LDLRAD4: variants seen among roughly 807,000 people sequenced by gnomAD.
LDLRAD4 encodes low-density lipoprotein receptor class A domain-containing protein 4.
LDLRAD4 carries 5 observed loss-of-function variants against 17.0 expected under a neutral mutation model. That is an observed-to-expected ratio of 0.29 (90% CI 0.15 to 0.62). The LOEUF is 0.62. Ranked by LOEUF, LDLRAD4 falls within the 20% of genes least tolerant of loss-of-function variation. The probability of loss-of-function intolerance (pLI) is 0.84; values close to 1 mark genes in which losing one functional copy is unlikely to be tolerated. For missense variants in LDLRAD4, 340 were observed against 424.7 expected (o/e 0.80, Z 1.75); for synonymous variants, 168 against 171.8 (o/e 0.98, Z 0.17).
At chr18:13,345,994 C>T (rs541635980) in intron 1 of LDLRAD4, among the ~76,000 whole-genome samples, 12 of 152,144 alleles carry the variant, frequency 7.9e-5, no homozygotes, top group South Asian at 2.1e-4. Context: ...GTCTTGCTAG[C>T]GGTCTATCAA....
chr18:13,429,663 G>C (rs1857126626), intron 2 of LDLRAD4, among the ~76,000 whole-genome samples: 1 of 152,222 alleles, frequency 6.6e-6, no homozygotes, highest in African/African-American at 2.4e-5. Context: ...AGACTTTTAG[G>C]TGTGAGAACG....
intron 1 of LDLRAD4, among the ~76,000 whole-genome samples, chr18:13,285,279 C>G (rs1351448041): frequency 6.6e-6 from 1 of 152,092 alleles, no homozygotes; most frequent in East Asian, 1.9e-4. Flanking sequence ...GTTTTGACCT[C>G]CAGAAAGGGT....
rs1458133064 is a variant in LDLRAD4 at position 13,365,209 on chromosome 18, G to A, written c.-382-22132G>A. Among the ~76,000 whole-genome samples, 6 of 152,300 alleles carry A rather than the reference G, an allele frequency of 3.9e-5. No individual in the cohort carries two copies. In the South Asian group the frequency reaches 8.3e-4, roughly 21 times the overall value. ...GAAGGAGCTCCTGTATGGCTACACCGTCCGTGCTTCCAGCATTAATCTTTT... is the reference window on the plus strand; with the variant it reads ...GAAGGAGCTCCTGTATGGCTACACCATCCGTGCTTCCAGCATTAATCTTTT... On this transcript the variant is annotated intron_variant, in intron 1 of 5. Transcript: ENST00000359446.
intron 1 of LDLRAD4, among the ~76,000 whole-genome samples, chr18:13,298,413 G>A (rs2046390029): frequency 6.6e-6 from 1 of 150,390 alleles, no homozygotes; most frequent in Non-Finnish European, 1.5e-5. Context: ...TGATGGAGCT[G>A]CTCCAGGTAT....
chr18:13,597,750 G>T (rs958645225), intron 3 of LDLRAD4, among the ~76,000 whole-genome samples: 1 of 151,032 alleles, frequency 6.6e-6, no homozygotes, highest in African/African-American at 2.4e-5. Flanking sequence ...TCAACACCAG[G>T]CATTCCATTT....
Position 13,426,987 on chromosome 18 carries a change from C to T in LDLRAD4, c.41-11257C>T, listed in dbSNP as rs766665159. Among the ~76,000 whole-genome samples the T allele has an allele frequency of 3.9e-5, 6 of 152,164 alleles. No individual in the cohort carries two copies. In the East Asian group the frequency reaches 5.8e-4, roughly 15 times the overall value. On this transcript the variant is annotated intron_variant, in intron 2 of 5. Coordinates refer to ENST00000359446, the Ensembl canonical transcript of LDLRAD4. ...GATCACGAAGTTAGCAGATTGAGACCATCCTGGCCAACATGGTGAAACCCC... is the reference window on the plus strand; with the variant it reads ...GATCACGAAGTTAGCAGATTGAGACTATCCTGGCCAACATGGTGAAACCCC...
At chr18:13,226,864 C>T (rs1221420527) in intron 1 of LDLRAD4, among the ~76,000 whole-genome samples, 1 of 152,076 alleles carries the variant, frequency 6.6e-6, no homozygotes. Flanking sequence ...TTGGTCTTCC[C>T]CCAGCCTCCT....
chr18:13,645,165 G>A lies in LDLRAD4; in HGVS notation c.429G>A (p.Ala143=), dbSNP rs140766330. The change falls in exon 6 of 6, where the codon GCG becomes GCA. Residue 143 remains alanine (A), a synonymous_variant. Transcript: ENST00000359446. This position sits in a 1 kb window ranked among gnomAD's most constrained non-coding sequence, Gnocchi z 5.7. Reference sequence around the variant, plus strand: ...CGCGGTCCAGGGACAGGTTCACAGCGCCGTCCTTCATCCAGAGGGATCGCT... The same window carrying A: ...CGCGGTCCAGGGACAGGTTCACAGCACCGTCCTTCATCCAGAGGGATCGCT... 8.1e-5 allele frequency: 130 copies of A among 1,613,736 alleles called. No individual in the cohort carries two copies. In the African/African-American group the frequency reaches 1.5e-3, roughly 18 times the overall value.
intron 3 of LDLRAD4, among the ~76,000 whole-genome samples, chr18:13,458,654 T>C (rs563152189): frequency 6.6e-6 from 1 of 152,296 alleles, no homozygotes; most frequent in Admixed American, 6.5e-5. Flanking sequence ...AAAAGGGACT[T>C]TACAGATATG....
intron 1 of LDLRAD4, among the ~76,000 whole-genome samples, chr18:13,313,892 G>C (rs1201715417): frequency 6.6e-6 from 1 of 152,074 alleles, no homozygotes; most frequent in Admixed American, 6.5e-5. Context: ...AGTTTGTTTG[G>C]TTTTTATTTT....
intron 3 of LDLRAD4, among the ~76,000 whole-genome samples, chr18:13,504,091 C>T (rs1411017614): frequency 6.6e-6 from 1 of 152,152 alleles, no homozygotes; most frequent in Non-Finnish European, 1.5e-5. Context: ...TCACATATCT[C>T]GCCTTGAATC....
At chr18:13,474,009 T>C (rs2092868291) in intron 3 of LDLRAD4, among the ~76,000 whole-genome samples, 1 of 152,072 alleles carries the variant, frequency 6.6e-6, no homozygotes, top group Non-Finnish European at 1.5e-5. Context: ...ATCTGTTTGG[T>C]GCTGTTGTCG....
intron 2 of LDLRAD4, among the ~76,000 whole-genome samples, chr18:13,391,955 C>T (rs1257102406): frequency 1.3e-5 from 2 of 152,160 alleles, no homozygotes; most frequent in Non-Finnish European, 2.9e-5. Context: ...CACTTTTTGA[C>T]GGTTTTCACC....
At chr18:13,436,270 A>G (rs1385666460) in intron 2 of LDLRAD4, among the ~76,000 whole-genome samples, 2 of 152,254 alleles carry the variant, frequency 1.3e-5, no homozygotes, top group African/African-American at 4.8e-5. Context: ...CACAGAACAT[A>G]GAAGCGGCTA....
intron 3 of LDLRAD4, among the ~76,000 whole-genome samples, chr18:13,461,633 C>T (rs1600511678): frequency 1.3e-5 from 2 of 152,310 alleles, no homozygotes; most frequent in South Asian, 2.1e-4. Context: ...GACTCTCTAG[C>T]GGTTTCCCAT....
intron 3 of LDLRAD4, among the ~76,000 whole-genome samples, chr18:13,610,107 A>C (rs951767769): frequency 6.6e-6 from 1 of 152,118 alleles, no homozygotes; most frequent in African/African-American, 2.4e-5. Context: ...TAAATGAAAG[A>C]AAAAAATGTT....
At chr18:13,558,455 TG>T (rs2094506836) in intron 3 of LDLRAD4, among the ~76,000 whole-genome samples, 1 of 152,262 alleles carries the variant, frequency 6.6e-6, no homozygotes. Flanking sequence ...TAGACCCACC[TG>T]GCTACAGACA....
At chr18:13,637,608 G>A (rs1601853712) in intron 4 of LDLRAD4, among the ~76,000 whole-genome samples, 1 of 152,208 alleles carries the variant, frequency 6.6e-6, no homozygotes, top group African/African-American at 2.4e-5. Flanking sequence ...GCTCAGGCCT[G>A]TAATCCTAGC....
At chr18:13,459,383 T>C (rs201448604) in intron 3 of LDLRAD4, among the ~76,000 whole-genome samples, 1 of 149,230 alleles carries the variant, frequency 6.7e-6, no homozygotes, top group Admixed American at 6.7e-5. Context: ...TTTTTTTTTC[T>C]TTTTGTTTTT....
Sources: allele counts gnomAD v4.1 joint callset (sites outside exome capture counted in the v4.1 genomes callset), GRCh38; gene constraint gnomAD v4.1.1; non-coding constraint Gnocchi (gnomAD v3.1); transcripts MANE v1.5; gene names NCBI Gene and HGNC (gene_info 2026-07-23, HGNC 2026-07-21).